SFRP4: variants seen among roughly 807,000 people sequenced by gnomAD.
SFRP4 encodes the protein secreted frizzled related protein 4.
A neutral mutation model predicts 36.3 loss-of-function variants in SFRP4; 25 were observed. The ratio of observed to expected loss-of-function variants is 0.69; its 90% CI spans 0.50 to 0.96. SFRP4 has a LOEUF of 0.96. Among genes scored for constraint, SFRP4 ranks in the 40% least tolerant of loss-of-function variants. SFRP4 has a pLI of 0.00. For synonymous variants in SFRP4, 182 were observed against 168.8 expected, an observed-to-expected ratio of 1.08 and a Z score of -0.60; for missense variants, 487 against 459.6, an observed-to-expected ratio of 1.06 and a Z score of -0.54.
At chr7:37,910,036 G>T (rs909715965) in intron 4 of SFRP4, among the ~76,000 whole-genome samples, 1 of 151,718 alleles carries the variant, frequency 6.6e-6, no homozygotes, top group African/African-American at 2.4e-5. Flanking sequence ...TTCCCCTTTT[G>T]CTTAGCTATG....
At position 37,916,205 on chromosome 7, in the gene SFRP4, G is replaced by A. The variant is rs1007148498; in HGVS notation, c.333C>T (p.Leu111=). 2.5e-6 allele frequency: 4 copies of A among 1,614,084 alleles called. No individual in the cohort carries two copies. The highest frequency in any genetic ancestry group is 2.7e-5 in the African/African-American group (2 of 74,932). Residue 111 remains leucine, a synonymous_variant, in exon 1 of 6, where the codon CTC becomes CTT. Transcript: ENST00000436072. This position sits in a 1 kb window ranked among gnomAD's most constrained non-coding sequence, Gnocchi z 4.1. ...GCCAGCTGTGGTTGTACATCTTCAT[G>A]AGGGGCTCGCAGTCGTCGCGCGCGC... ...CQRARDDCEP[L]MKMYNHSWPE...
Position 37,916,191 on chromosome 7 carries a change from T to C in SFRP4, c.347A>G (p.Asn116Ser), listed in dbSNP as rs1207763237. 1.9e-6 allele frequency: 3 copies of C among 1,614,014 alleles called. No homozygotes were observed. The highest frequency in any genetic ancestry group is 2.5e-6 in the Non-Finnish European group (3 of 1,180,002). Residue 116 changes from asparagine to serine, a missense_variant, in exon 1 of 6, where the codon AAC becomes AGC. Asn to Ser is a conservative substitution (Grantham distance 46). Coordinates refer to ENST00000436072, the MANE Select transcript of SFRP4 (RefSeq NM_003014.4). This position sits in a 1 kb window ranked among gnomAD's most constrained non-coding sequence, Gnocchi z 4.1. ...GGCCAGGCTTTCGGGCCAGCTGTGG[T>C]TGTACATCTTCATGAGGGGCTCGCA... is the stretch of plus-strand genomic sequence containing the variant. ...DDCEPLMKMYNHSWPESLACD... is the reference protein window; with the variant it reads ...DDCEPLMKMYSHSWPESLACD...
chr7:37,916,094 C>A lies in SFRP4; in HGVS notation c.444G>T (p.Glu148Asp), dbSNP rs769740096. 100 of 1,610,840 alleles carry A rather than the reference C, an allele frequency of 6.2e-5. No homozygotes were observed. Among genetic ancestry groups the A allele is most frequent in the Non-Finnish European group, 8.5e-5 (100 of 1,177,682 alleles). ...CCTCCATCCTTCCTACGGCCTCACCCTCCGGGAGGTCCGTGACGATGGCTT... is the reference window on the plus strand; with the variant it reads ...CCTCCATCCTTCCTACGGCCTCACCATCCGGGAGGTCCGTGACGATGGCTT... Reference protein sequence around the residue: ...SPEAIVTDLPEDVKWIDITPD... With the variant: ...SPEAIVTDLPDDVKWIDITPD... The change falls in exon 1 of 6, where the codon GAG becomes GAT. Residue 148 changes from glutamate to aspartate, a missense_variant and splice_region_variant. Glu to Asp is a conservative substitution (Grantham distance 45, BLOSUM62 2). Coordinates refer to ENST00000436072, the MANE Select transcript of SFRP4 (RefSeq NM_003014.4). The surrounding 1 kb of genome is among the most constrained non-coding windows in gnomAD (Gnocchi z 4.1).
intron 1 of SFRP4, among the ~76,000 whole-genome samples, chr7:37,915,122 A>G (rs1318792874): frequency 1.3e-5 from 2 of 152,254 alleles, no homozygotes; most frequent in Non-Finnish European, 2.9e-5. Context: ...TATGTTAATC[A>G]AAATAACCAA....
Position 37,915,495 on chromosome 7 carries a change from A to G in SFRP4, c.445+598T>C, listed in dbSNP as rs570479141. Among the ~76,000 whole-genome samples the G allele has an allele frequency of 1.4e-4, 22 of 152,346 alleles. No homozygotes were observed. In the South Asian group the frequency reaches 4.6e-3, roughly 32 times the overall value. ...TCCTTCTTTTTAGAAAAGCAGTCAA[A>G]TGACCAAAGAAAAAAGAAGGAAGTG... On this transcript the variant is annotated intron_variant, in intron 1 of 5. Coordinates refer to ENST00000436072, the MANE Select transcript of SFRP4 (RefSeq NM_003014.4).
rs898357725 is a variant in SFRP4 at position 37,916,064 on chromosome 7, GCCTC to G, written c.445+25_445+28del. On this transcript the variant is annotated intron_variant, in intron 1 of 5. Coordinates refer to ENST00000436072, the MANE Select transcript of SFRP4 (RefSeq NM_003014.4). This position sits in a 1 kb window ranked among gnomAD's most constrained non-coding sequence, Gnocchi z 4.1. ...CAGCCACAGCCCCGGGCGCCTCCTC[GCCTC>G]CCTCCATCCTTCCTACGGCCTCACC... 6 of 1,588,584 alleles carry G rather than the reference GCCTC, an allele frequency of 3.8e-6. No homozygotes were observed. The Admixed American group carries it at 1.0e-4, about 27-fold the overall frequency.
At position 37,914,258 on chromosome 7, in the gene SFRP4, C is replaced by T. The variant is rs767383357; in HGVS notation, c.547G>A (p.Val183Met). The stretch of plus-strand genomic sequence containing the variant: ...AGATACGTTGCCAAAGTTGGCTTCA[C>T]CTTTTTACACTTGCACCGATCTAAA... ...LSPDRCKCKK[V>M]KPTLATYLSK... Residue 183 changes from valine to methionine, a missense_variant, in exon 3 of 6, where the codon GTG becomes ATG. Coordinates refer to ENST00000436072, the MANE Select transcript of SFRP4 (RefSeq NM_003014.4). The T allele has an allele frequency of 1.9e-6, 3 of 1,614,182 alleles. No homozygotes were observed. Among genetic ancestry groups the T allele is most frequent in the Non-Finnish European group, 2.5e-6 (3 of 1,180,016 alleles).
Position 37,916,102 on chromosome 7 carries a change from G to A in SFRP4, c.436C>T (p.Leu146Phe), listed in dbSNP as rs1785570954. 2.5e-6 allele frequency: 4 copies of A among 1,611,512 alleles called. No individual in the cohort carries two copies. The African/African-American group carries it at 5.3e-5, about 21-fold the overall frequency. ...CTTCCTACGGCCTCACCCTCCGGGAGGTCCGTGACGATGGCTTCAGGCGAG... is the reference window on the plus strand; with the variant it reads ...CTTCCTACGGCCTCACCCTCCGGGAAGTCCGTGACGATGGCTTCAGGCGAG... ...CISPEAIVTD[L>F]PEDVKWIDIT... The change falls in exon 1 of 6, where the codon CTC becomes TTC. Residue 146 changes from leucine to phenylalanine, a missense_variant. Physicochemically the swap from Leu to Phe is conservative, Grantham distance 22 (BLOSUM62 0). Coordinates refer to ENST00000436072, the MANE Select transcript of SFRP4 (RefSeq NM_003014.4). This position sits in a 1 kb window ranked among gnomAD's most constrained non-coding sequence, Gnocchi z 4.1.
chr7:37,915,963 C>T, intron 1 of SFRP4, 130 bp downstream of exon 1: 1 of 1,346,280 alleles, frequency 7.4e-7, no homozygotes. Flanking sequence ...AAAATGTTTC[C>T]CCCATTCTTT....
In SFRP4 at chr7:37,916,127, G is replaced by T; in HGVS notation, c.411C>A (p.Ile137=). 3 of 1,613,972 alleles carry T rather than the reference G, an allele frequency of 1.9e-6. No individual in the cohort carries two copies. The highest frequency in any genetic ancestry group is 2.5e-6 in the Non-Finnish European group (3 of 1,179,998). ...ELPVYDRGVC[I]SPEAIVTDLP... Reference sequence around the variant, plus strand: ...GGTCCGTGACGATGGCTTCAGGCGAGATGCACACGCCACGGTCATAGACAG... The same window carrying T: ...GGTCCGTGACGATGGCTTCAGGCGATATGCACACGCCACGGTCATAGACAG... Residue 137 remains isoleucine, a synonymous_variant, in exon 1 of 6, where the codon ATC becomes ATA. Coordinates refer to ENST00000436072, the MANE Select transcript of SFRP4 (RefSeq NM_003014.4). This position sits in a 1 kb window ranked among gnomAD's most constrained non-coding sequence, Gnocchi z 4.1.
At chr7:37,911,973 G>T in intron 4 of SFRP4, 146 bp downstream of exon 4, 1 of 490,054 alleles carries the variant, frequency 2.0e-6, no homozygotes, top group Admixed American at 3.6e-5. Context: ...TAGAATATAT[G>T]CTATTCAAAC....
In SFRP4 at chr7:37,916,717, C is replaced by A; in HGVS notation, c.-180G>T. ...GCGGGGTCCGGCCGCGGAGCTCCGC[C>A]GTCTGGCACACAGGGCACGAGCAGC... On this transcript the variant is annotated 5_prime_UTR_variant, in exon 1 of 6. Transcript: ENST00000436072. The surrounding 1 kb of genome is among the most constrained non-coding windows in gnomAD (Gnocchi z 4.1). 1.1e-6 allele frequency: 1 copy of A among 925,328 alleles called. No individual in the cohort carries two copies. The highest frequency in any genetic ancestry group is 2.7e-5 in the East Asian group (1 of 37,626). 57.3% of individuals were successfully genotyped at this position (925,328 alleles called of 1,614,324 possible).
Position 37,916,297 on chromosome 7 carries a change from A to C in SFRP4, c.241T>G (p.Tyr81Asp). Residue 81 changes from tyrosine (Y) to aspartate (D), a missense_variant, in exon 1 of 6, where the codon TAC becomes GAC. Physicochemically the swap from Tyr to Asp is radical, Grantham distance 160. Coordinates refer to ENST00000436072, the MANE Select transcript of SFRP4 (RefSeq NM_003014.4). The surrounding 1 kb of genome is among the most constrained non-coding windows in gnomAD (Gnocchi z 4.1). ...AACTCCAGGGTGCAAATGGGCGCGTACATGGCACAGAGGAAGAAGCGCAGC... is the reference window on the plus strand; with the variant it reads ...AACTCCAGGGTGCAAATGGGCGCGTCCATGGCACAGAGGAAGAAGCGCAGC... ...AVLRFFLCAM[Y>D]APICTLEFLH... is the part of the protein sequence containing the mutation. 1 of 1,614,224 alleles carries C rather than the reference A, an allele frequency of 6.2e-7. No homozygotes were observed. The highest frequency in any genetic ancestry group is 1.1e-5 in the South Asian group (1 of 91,082).
chr7:37,915,763 T>C (rs1227658607), intron 1 of SFRP4, among the ~76,000 whole-genome samples: 1 of 152,214 alleles, frequency 6.6e-6, no homozygotes, highest in Non-Finnish European at 1.5e-5. Flanking sequence ...TAACGTGTAA[T>C]GTGTTTAACA....
intron 3 of SFRP4, 71 bp downstream of exon 3, chr7:37,914,142 C>A (rs79394372): frequency 1.7e-6 from 2 of 1,189,730 alleles, no homozygotes; most frequent in Non-Finnish European, 2.5e-6. Flanking sequence ...TTAGTGAGAG[C>A]GACCTTATTG....
chr7:37,916,563 C>T lies in SFRP4; in HGVS notation c.-26G>A, dbSNP rs753316749. ...GGCACTGCCCTCTCGCGCTGCGACCCCGGCAGACAGAAAGCGCCCTTCTCT... is the reference window on the plus strand; with the variant it reads ...GGCACTGCCCTCTCGCGCTGCGACCTCGGCAGACAGAAAGCGCCCTTCTCT... On this transcript the variant is annotated 5_prime_UTR_variant, in exon 1 of 6. Coordinates refer to ENST00000436072, the MANE Select transcript of SFRP4 (RefSeq NM_003014.4). The surrounding 1 kb of genome is among the most constrained non-coding windows in gnomAD (Gnocchi z 4.1). 2 of 1,589,728 alleles carry T rather than the reference C, an allele frequency of 1.3e-6. No individual in the cohort carries two copies. Among genetic ancestry groups the T allele is most frequent in the African/African-American group, 2.7e-5 (2 of 74,612 alleles).
intron 1 of SFRP4, among the ~76,000 whole-genome samples, chr7:37,915,109 GT>G (rs1785552665): frequency 1.3e-5 from 2 of 152,164 alleles, no homozygotes; most frequent in African/African-American, 4.8e-5. Flanking sequence ...CAAGTTAACA[GT>G]TTATGTTAAT....
intron 4 of SFRP4, among the ~76,000 whole-genome samples, 163 bp downstream of exon 4, chr7:37,911,952 GAATT>G (rs1785494532): frequency 9.8e-6 from 1 of 101,710 alleles, no homozygotes; most frequent in Non-Finnish European, 2.3e-5. Flanking sequence ...ATTCTATGAA[GAATT>G]AATTGATAGA....
intron 1 of SFRP4, among the ~76,000 whole-genome samples, chr7:37,914,897 T>A (rs1399444383): frequency 1.3e-5 from 2 of 152,186 alleles, no homozygotes; most frequent in Non-Finnish European, 2.9e-5. Flanking sequence ...AATATTTATA[T>A]AAGTAAAAAC....
Sources: gnomAD v4.1 joint callset for allele counts (sites outside exome capture counted in the v4.1 genomes callset) on GRCh38, gnomAD v4.1.1 for gene constraint, Gnocchi (gnomAD v3.1) non-coding constraint, MANE v1.5 for transcripts, NCBI Gene and HGNC (gene_info 2026-07-23, HGNC 2026-07-21) for gene names.